STAT4: variants seen among roughly 807,000 people sequenced by gnomAD.
The protein encoded by STAT4 is signal transducer and activator of transcription 4.
Under a neutral mutation model 110.5 loss-of-function variants are expected in STAT4, and 42 were observed. The observed-to-expected ratio is 0.38, with a 90% CI of 0.30 to 0.49. The LOEUF is 0.49. Among genes scored for constraint, STAT4 ranks in the 20% least tolerant of loss-of-function variants. STAT4 has a pLI of 0.95. For synonymous variants in STAT4, 284 were observed against 302.2 expected (o/e 0.94, Z 0.63); for missense variants, 632 against 887.9 (o/e 0.71, Z 3.66).
In STAT4 at chr2:191,107,078, T is replaced by C. The variant is rs1038036104; in HGVS notation, c.274-30753A>G. On this transcript the variant is annotated intron_variant, in intron 3 of 23. Transcript: ENST00000392320. The surrounding 1 kb of genome is among the most constrained non-coding windows in gnomAD (Gnocchi z 4.2). ...GTACTCTACACATTAATGTCAGCAG[T>C]AGAAACGTATGGTTGCGTGAAATGA... 1.3e-5 allele frequency among the ~76,000 whole-genome samples: 2 copies of C among 152,226 alleles called. No homozygotes were observed. The highest frequency in any genetic ancestry group is 2.9e-5 in the Non-Finnish European group (2 of 68,038).
chr2:191,108,841 C>T (rs970150307), intron 3 of STAT4, among the ~76,000 whole-genome samples: 1 of 152,102 alleles, frequency 6.6e-6, no homozygotes, highest in African/African-American at 2.4e-5. Context: ...GTGTACATGC[C>T]CTTCAAAATT....
Position 191,037,159 on chromosome 2 carries a change from G to C in STAT4, c.1435-860C>G, listed in dbSNP as rs1321205013. Among the ~76,000 whole-genome samples, 1 of 152,032 alleles carries C rather than the reference G, an allele frequency of 6.6e-6. No individual in the cohort carries two copies. Among genetic ancestry groups the C allele is most frequent in the Non-Finnish European group, 1.5e-5 (1 of 68,022 alleles). On this transcript the variant is annotated intron_variant, in intron 16 of 23. Coordinates refer to ENST00000392320, the MANE Select transcript of STAT4 (RefSeq NM_003151.4). This position sits in a 1 kb window ranked among gnomAD's most constrained non-coding sequence, Gnocchi z 4.8. Reference sequence around the variant, plus strand: ...TATCATATTATTTAATTGGTTTATCGTGGGGTTGGCACAAATTTTACCTTG... The same window carrying C: ...TATCATATTATTTAATTGGTTTATCCTGGGGTTGGCACAAATTTTACCTTG...
intron 3 of STAT4, among the ~76,000 whole-genome samples, chr2:191,130,261 C>G (rs559783210): frequency 6.7e-6 from 1 of 149,636 alleles, no homozygotes; most frequent in Non-Finnish European, 1.5e-5. Context: ...CTTGGCCTGC[C>G]GCCCAGGCTG....
At chr2:191,049,399 C>A (rs541001915) in intron 14 of STAT4, among the ~76,000 whole-genome samples, 4 of 152,010 alleles carry the variant, frequency 2.6e-5, no homozygotes, top group Admixed American at 6.5e-5. Context: ...GATGGTCTCA[C>A]TCTCCTGACC....
At chr2:191,036,948 T>C (rs1390178033) in intron 16 of STAT4, among the ~76,000 whole-genome samples, 1 of 152,214 alleles carries the variant, frequency 6.6e-6, no homozygotes, top group Non-Finnish European at 1.5e-5. Context: ...TGATGTGGTC[T>C]TTTCCTAAAA....
At chr2:191,049,236 G>A (rs551981048) in intron 14 of STAT4, among the ~76,000 whole-genome samples, 133 of 146,404 alleles carry the variant, frequency 9.1e-4, no homozygotes, top group East Asian at 5.3e-3. Flanking sequence ...GTGCAGTGGC[G>A]AAATTTCAGC....
chr2:191,040,686 T>G (rs1037789206), intron 15 of STAT4, among the ~76,000 whole-genome samples: 2 of 152,108 alleles, frequency 1.3e-5, no homozygotes, highest in African/African-American at 4.8e-5. Flanking sequence ...CTCTGCCTCC[T>G]GAGTAGCTGG....
chr2:191,092,052 T>A (rs560328926), intron 3 of STAT4, among the ~76,000 whole-genome samples: 12 of 152,332 alleles, frequency 7.9e-5, no homozygotes, highest in African/African-American at 2.6e-4. Context: ...GCTTATTTTT[T>A]AAAATCTTGC....
Position 191,066,377 on chromosome 2 carries a change from T to C in STAT4, c.630+53A>G. ...TTGATTATTTTCAGTTAGTCTAAGT[T>C]TAGAAAAAAGGAGAAAAATAGGCAA... On this transcript the variant is annotated intron_variant, in intron 7 of 23. Coordinates refer to ENST00000392320, the MANE Select transcript of STAT4 (RefSeq NM_003151.4). The surrounding 1 kb of genome is among the most constrained non-coding windows in gnomAD (Gnocchi z 4.3). 1 of 1,487,602 alleles carries C rather than the reference T, an allele frequency of 6.7e-7. No homozygotes were observed. The highest frequency in any genetic ancestry group is 9.3e-7 in the Non-Finnish European group (1 of 1,069,602). The allele number at this position is 1,487,602 out of a possible 1,614,324, so 92.2% of individuals were successfully genotyped here.
intron 4 of STAT4, among the ~76,000 whole-genome samples, chr2:191,075,570 G>A (rs889892504): frequency 6.6e-6 from 1 of 152,134 alleles, no homozygotes; most frequent in African/African-American, 2.4e-5. Context: ...AATTCAGCTT[G>A]GAGGTGATTA....
At chr2:191,119,037 A>T (rs2125384130) in intron 3 of STAT4, among the ~76,000 whole-genome samples, 1 of 152,292 alleles carries the variant, frequency 6.6e-6, no homozygotes, top group East Asian at 1.9e-4. Context: ...AAGTGCTGGG[A>T]TGACAGGTTT....
intron 3 of STAT4, among the ~76,000 whole-genome samples, chr2:191,078,557 A>G (rs1697377114): frequency 6.6e-6 from 1 of 152,140 alleles, no homozygotes; most frequent in African/African-American, 2.4e-5. Context: ...TTCAGTAACA[A>G]ATGAGCACTT....
At chr2:191,120,733 G>T (rs10197066) in intron 3 of STAT4, among the ~76,000 whole-genome samples, 92,165 of 151,986 alleles carry the variant, frequency 0.61, 28,659 homozygotes, top group South Asian at 0.75. Flanking sequence ...TGTAGAAAGC[G>T]GAAACTGGAT....
At chr2:191,074,889 G>A (rs779923547) in intron 4 of STAT4, among the ~76,000 whole-genome samples, 14 of 152,086 alleles carry the variant, frequency 9.2e-5, no homozygotes, top group Non-Finnish European at 1.0e-4. Context: ...GGCCGGGGGC[G>A]GTGGCTCACA....
intron 3 of STAT4, among the ~76,000 whole-genome samples, chr2:191,136,883 A>T (rs555156472): frequency 6.6e-6 from 1 of 152,368 alleles, no homozygotes; most frequent in Non-Finnish European, 1.5e-5. Context: ...AAATTAACAT[A>T]CAAAAATCAG....
In STAT4 at chr2:191,053,720, G is replaced by C. The variant is rs540952950; in HGVS notation, c.1251+770C>G. 6.6e-6 allele frequency among the ~76,000 whole-genome samples: 1 copy of C among 152,194 alleles called. No individual in the cohort carries two copies. Among genetic ancestry groups the C allele is most frequent in the South Asian group, 2.1e-4 (1 of 4,832 alleles). On this transcript the variant is annotated intron_variant, in intron 14 of 23. Transcript: ENST00000392320. The surrounding 1 kb of genome is among the most constrained non-coding windows in gnomAD (Gnocchi z 4.5). ...AAATGAGTGAACAAAAATGAAGAAT[G>C]ACAAAGATATTTCTTGATAATGGAC...
rs868684360 is a variant in STAT4, at chr2:191,071,805, A to G, written c.465+1293T>C. ...GGCCCTGGGACAGGGATCAGCTACAAGGGATTTGTTGAAGGAGTCCTCTTA... is the reference window on the plus strand; with the variant it reads ...GGCCCTGGGACAGGGATCAGCTACAGGGGATTTGTTGAAGGAGTCCTCTTA... On this transcript the variant is annotated intron_variant, in intron 5 of 23. Coordinates refer to ENST00000392320, the MANE Select transcript of STAT4 (RefSeq NM_003151.4). 8.5e-5 allele frequency among the ~76,000 whole-genome samples: 13 copies of G among 152,310 alleles called. No homozygotes were observed. In the South Asian group the frequency reaches 1.9e-3, roughly 22 times the overall value.
At chr2:191,102,967 C>T (rs775639218) in intron 3 of STAT4, among the ~76,000 whole-genome samples, 2 of 152,156 alleles carry the variant, frequency 1.3e-5, no homozygotes, top group Non-Finnish European at 2.9e-5. Context: ...ATCAACTATG[C>T]CCAACATGGA....
chr2:191,103,378 G>A (rs1239015436), intron 3 of STAT4, among the ~76,000 whole-genome samples: 1 of 152,140 alleles, frequency 6.6e-6, no homozygotes, highest in Non-Finnish European at 1.5e-5. Flanking sequence ...CTTTAATGCT[G>A]TGTGTGTTTG....
Sources: allele counts gnomAD v4.1 joint callset (sites outside exome capture counted in the v4.1 genomes callset), GRCh38; gene constraint gnomAD v4.1.1; non-coding constraint Gnocchi (gnomAD v3.1); transcripts MANE v1.5; gene names NCBI Gene and HGNC (gene_info 2026-07-23, HGNC 2026-07-21).